MDGA2: variants seen among roughly 807,000 people sequenced by gnomAD.
MDGA2 encodes MAM domain containing glycosylphosphatidylinositol anchor 2.
A neutral mutation model predicts 117.8 loss-of-function variants in MDGA2; 40 were observed. The ratio of observed to expected loss-of-function variants is 0.34; its 90% CI spans 0.26 to 0.44. The LOEUF is 0.44. Among genes scored for constraint, MDGA2 ranks in the 20% least tolerant of loss-of-function variants. MDGA2 has a pLI of 1.00. For missense variants in MDGA2, 1,123 were observed against 1,250.6 expected, an observed-to-expected ratio of 0.90 and a Z score of 1.54; for synonymous variants, 452 against 439.0, an observed-to-expected ratio of 1.03 and a Z score of -0.37.
chr14:47,510,324 A>G (rs1297638898), intron 1 of MDGA2, among the ~76,000 whole-genome samples: 2 of 152,216 alleles, frequency 1.3e-5, no homozygotes, highest in Non-Finnish European at 2.9e-5. Context: ...CCTGTTGTTT[A>G]TAAGCCACCC....
intron 1 of MDGA2, among the ~76,000 whole-genome samples, chr14:47,539,829 C>G (rs886560648): frequency 6.6e-6 from 1 of 152,194 alleles, no homozygotes; most frequent in Non-Finnish European, 1.5e-5. Context: ...GTAGCAGTCA[C>G]CTGTAAGGCG....
intron 1 of MDGA2, among the ~76,000 whole-genome samples, chr14:47,577,854 C>T (rs563782645): frequency 1.3e-5 from 2 of 152,332 alleles, no homozygotes; most frequent in African/African-American, 4.8e-5. Context: ...CTGCAGAAGA[C>T]AGTGTGGTGA....
chr14:47,142,682 G>C (rs995068592), intron 4 of MDGA2, among the ~76,000 whole-genome samples: 5 of 152,092 alleles, frequency 3.3e-5, no homozygotes, highest in African/African-American at 9.7e-5. Flanking sequence ...AATCATTTTA[G>C]TAACAATTGG....
At chr14:47,392,967 A>G (rs1891930015) in intron 1 of MDGA2, among the ~76,000 whole-genome samples, 1 of 152,036 alleles carries the variant, frequency 6.6e-6, no homozygotes, top group South Asian at 2.1e-4. Flanking sequence ...GAAATATCAG[A>G]TCAGACCAGT....
intron 1 of MDGA2, among the ~76,000 whole-genome samples, chr14:47,329,422 G>A (rs975388108): frequency 6.6e-6 from 1 of 151,974 alleles, no homozygotes; most frequent in Non-Finnish European, 1.5e-5. Flanking sequence ...AATAGGGAGG[G>A]CCCAAGTGAA....
chr14:47,198,083 CA>C (rs1214174092), intron 3 of MDGA2, among the ~76,000 whole-genome samples: 1 of 152,044 alleles, frequency 6.6e-6, no homozygotes, highest in Non-Finnish European at 1.5e-5. Flanking sequence ...TATTCATAGC[CA>C]TGTAATTATA....
chr14:47,524,249 GGGGCA>G (rs72130383), intron 1 of MDGA2, among the ~76,000 whole-genome samples: 47,583 of 151,676 alleles, frequency 0.31, 8,289 homozygotes, highest in East Asian at 0.58. Context: ...GAAAATGTTT[GGGGCA>G]GGAAATAAGT....
At chr14:46,932,636 A>G (rs1046074525) in intron 9 of MDGA2, among the ~76,000 whole-genome samples, 1 of 152,162 alleles carries the variant, frequency 6.6e-6, no homozygotes, top group African/African-American at 2.4e-5. Context: ...GCTTACTGCT[A>G]AGAATTAGAA....
chr14:46,942,531 G>C (rs917270087), intron 9 of MDGA2, among the ~76,000 whole-genome samples: 8 of 152,078 alleles, frequency 5.3e-5, no homozygotes, highest in African/African-American at 1.9e-4. Flanking sequence ...CATCTCTGCA[G>C]AAAGTTACCT....
chr14:47,141,973 CACCAT>C (rs1882739997), intron 4 of MDGA2, among the ~76,000 whole-genome samples: 1 of 152,102 alleles, frequency 6.6e-6, no homozygotes, highest in African/African-American at 2.4e-5. Flanking sequence ...CAAAACATCA[CACCAT>C]ACCAGATAAA....
At chr14:47,263,741 C>T (rs1347897669) in intron 2 of MDGA2, among the ~76,000 whole-genome samples, 1 of 152,124 alleles carries the variant, frequency 6.6e-6, no homozygotes, top group Non-Finnish European at 1.5e-5. Flanking sequence ...TTTGCCTTGA[C>T]AAATATTCAC....
chr14:46,982,924 TATG>T (rs1190806658), intron 8 of MDGA2, among the ~76,000 whole-genome samples: 1 of 151,994 alleles, frequency 6.6e-6, no homozygotes, highest in Non-Finnish European at 1.5e-5. Context: ...GCCCATTCAG[TATG>T]ATATTGGCTG....
chr14:47,314,143 T>C (rs1889729107), intron 1 of MDGA2, among the ~76,000 whole-genome samples: 1 of 152,150 alleles, frequency 6.6e-6, no homozygotes, highest in African/African-American at 2.4e-5. Flanking sequence ...ACTGGGCAAA[T>C]GGTTTGACCT....
intron 1 of MDGA2, among the ~76,000 whole-genome samples, chr14:47,500,410 T>C (rs1469886253): frequency 1.3e-5 from 2 of 152,076 alleles, no homozygotes; most frequent in African/African-American, 4.8e-5. Context: ...ATGAAAAATA[T>C]ATACTGATTT....
At chr14:47,613,317 T>C (rs992101716) in intron 1 of MDGA2, among the ~76,000 whole-genome samples, 3 of 152,080 alleles carry the variant, frequency 2.0e-5, no homozygotes, top group African/African-American at 7.2e-5. Flanking sequence ...GAATTCTACA[T>C]CTGAACACAT....
chr14:47,484,089 A>G (rs1385258375), intron 1 of MDGA2, among the ~76,000 whole-genome samples: 2 of 152,238 alleles, frequency 1.3e-5, no homozygotes, highest in Non-Finnish European at 2.9e-5. Context: ...CTCAAAATTA[A>G]TAGTAGGTAT....
intron 1 of MDGA2, among the ~76,000 whole-genome samples, chr14:47,449,948 T>C (rs1893205835): frequency 6.6e-6 from 1 of 152,150 alleles, no homozygotes; most frequent in Non-Finnish European, 1.5e-5. Flanking sequence ...CAGTCATCAT[T>C]GACAGATAGA....
chr14:47,021,275 T>A (rs1213071287), intron 8 of MDGA2, among the ~76,000 whole-genome samples: 2 of 152,152 alleles, frequency 1.3e-5, no homozygotes, highest in African/African-American at 2.4e-5. Flanking sequence ...GATCCAGTAG[T>A]GTACCTAGCA....
At chr14:46,977,731 A>G (rs1430831735) in intron 8 of MDGA2, among the ~76,000 whole-genome samples, 3 of 151,978 alleles carry the variant, frequency 2.0e-5, no homozygotes, top group Non-Finnish European at 4.4e-5. Context: ...AATATTGATC[A>G]ATAACATGGT....
Sources: allele counts gnomAD v4.1 joint callset (sites outside exome capture counted in the v4.1 genomes callset), GRCh38; gene constraint gnomAD v4.1.1; transcripts MANE v1.5; gene names NCBI Gene and HGNC (gene_info 2026-07-23, HGNC 2026-07-21).